The following PCDHGA8 variants were observed in gnomAD, a reference collection of about 807,000 sequenced individuals.
PCDHGA8 encodes protocadherin gamma subfamily A, 8.
Under a neutral mutation model 59.2 loss-of-function variants are expected in PCDHGA8, and 45 were observed. The observed-to-expected ratio is 0.76, with a 90% CI of 0.60 to 0.98. PCDHGA8 has a LOEUF of 0.98. Among genes scored for constraint, PCDHGA8 ranks in the 50% least tolerant of loss-of-function variants. PCDHGA8 has a pLI of 0.00. For synonymous variants in PCDHGA8, 531 were observed against 519.0 expected (o/e 1.02, Z -0.32); for missense variants, 1,257 against 1,196.2 (o/e 1.05, Z -0.75).
intron 1 of PCDHGA8, among the ~76,000 whole-genome samples, chr5:141,448,837 C>CT (rs2098610093): frequency 6.6e-6 from 1 of 152,014 alleles, no homozygotes; most frequent in Non-Finnish European, 1.5e-5. Context: ...CCCAGCTACT[C>CT]TGGAGGCTGA....
At position 141,393,624 on chromosome 5, in the gene PCDHGA8, G is replaced by A. The variant is rs1190793808; in HGVS notation, c.811G>A (p.Glu271Lys). The change falls in exon 1 of 4, where the codon GAG (glutamate) becomes AAG (lysine). Residue 271 changes from glutamate (E) to lysine (K), a missense_variant. Transcript: ENST00000398604. ...LLTVTASDPDEGINGKVAYKF... is the reference protein window; with the variant it reads ...LLTVTASDPDKGINGKVAYKF... ...TACTGTAACAGCCAGCGACCCGGAT[G>A]AGGGAATCAACGGAAAAGTGGCATA... 1 of 1,613,972 alleles carries A rather than the reference G, an allele frequency of 6.2e-7. No homozygotes were observed. Among genetic ancestry groups the A allele is most frequent in the Non-Finnish European group, 8.5e-7 (1 of 1,179,914 alleles).
At chr5:141,503,005 G>A (rs915064303) in intron 2 of PCDHGA8, among the ~76,000 whole-genome samples, 16 of 145,340 alleles carry the variant, frequency 1.1e-4, no homozygotes, top group African/African-American at 2.3e-4. Flanking sequence ...CACCATGCCC[G>A]GTTAATTTTT....
At chr5:141,454,850 C>T (rs1208208678) in intron 1 of PCDHGA8, among the ~76,000 whole-genome samples, 3 of 132,848 alleles carry the variant, frequency 2.3e-5, no homozygotes, top group Non-Finnish European at 4.6e-5. Flanking sequence ...CTCTGTCACC[C>T]AGGCTGGAGT....
In PCDHGA8 at chr5:141,477,211, C is replaced by T. The variant is rs1282763530; in HGVS notation, c.2425-17596C>T. On this transcript the variant is annotated intron_variant, in intron 1 of 3. Coordinates refer to ENST00000398604, the MANE Select transcript of PCDHGA8 (RefSeq NM_032088.2). The surrounding 1 kb of genome is among the most constrained non-coding windows in gnomAD (Gnocchi z 4.9). ...TGTACAGCCCAGTACCCGAGGATGC[C>T]CCTCTGGGGACTGTCATCGCTTTGC... 2 of 1,614,154 alleles carry T rather than the reference C, an allele frequency of 1.2e-6. No individual in the cohort carries two copies. Among genetic ancestry groups the T allele is most frequent in the East Asian group, 4.5e-5 (2 of 44,870 alleles).
intron 1 of PCDHGA8, chr5:141,430,662 C>A: frequency 8.6e-7 from 1 of 1,169,068 alleles, no homozygotes; most frequent in Non-Finnish European, 1.2e-6. Context: ...AACGGAGGAG[C>A]TCTGACTTCC....
At chr5:141,450,147 C>T (rs1322871298) in intron 1 of PCDHGA8, among the ~76,000 whole-genome samples, 2 of 151,774 alleles carry the variant, frequency 1.3e-5, no homozygotes, top group African/African-American at 4.8e-5. Context: ...GCTGGGACTA[C>T]AGGCATGTGC....
At position 141,489,559 on chromosome 5, in the gene PCDHGA8, C is replaced by A; in HGVS notation, c.2425-5248C>A. ...CAGCACCAGCTGCCTGCTGCCAGTG[C>A]AGGTGGTGACTGAACACCCCCTGGA... On this transcript the variant is annotated intron_variant, in intron 1 of 3. Coordinates refer to ENST00000398604, the MANE Select transcript of PCDHGA8 (RefSeq NM_032088.2). This position sits in a 1 kb window ranked among gnomAD's most constrained non-coding sequence, Gnocchi z 4.5. The A allele has an allele frequency of 6.2e-7, 1 of 1,614,078 alleles. No homozygotes were observed. The highest frequency in any genetic ancestry group is 8.5e-7 in the Non-Finnish European group (1 of 1,180,014).
intron 1 of PCDHGA8, 136 bp downstream of exon 1, chr5:141,395,373 G>C: frequency 8.4e-7 from 1 of 1,189,414 alleles, no homozygotes; most frequent in Non-Finnish European, 1.1e-6. Context: ...TATTTTGGTG[G>C]TGTTACTATA....
intron 2 of PCDHGA8, among the ~76,000 whole-genome samples, chr5:141,502,238 T>A (rs2099813398): frequency 6.6e-6 from 1 of 152,204 alleles, no homozygotes; most frequent in Non-Finnish European, 1.5e-5. Flanking sequence ...TGTGTTCTTT[T>A]ATCCTTTTTT....
chr5:141,510,986 G>A lies in PCDHGA8; in HGVS notation c.2612G>A (p.Gly871Asp), dbSNP rs754203270. The A allele has an allele frequency of 6.2e-7, 1 of 1,614,166 alleles. No individual in the cohort carries two copies. The highest frequency in any genetic ancestry group is 8.5e-7 in the Non-Finnish European group (1 of 1,180,012). The change falls in exon 4 of 4, where the codon GGC becomes GAC. Residue 871 changes from glycine to aspartate, a missense_variant. Physicochemically the swap from Gly to Asp is moderately conservative, Grantham distance 94. Transcript: ENST00000398604. ...DGSSTLGGGA[G>D]TMGLSARYGP... ...AGCTCCACCCTGGGAGGGGGTGCCG[G>A]CACCATGGGATTGAGCGCCCGCTAC... is the stretch of plus-strand genomic sequence containing the variant.
intron 1 of PCDHGA8, among the ~76,000 whole-genome samples, chr5:141,481,426 A>G (rs1431602618): frequency 6.6e-6 from 1 of 152,238 alleles, no homozygotes; most frequent in Non-Finnish European, 1.5e-5. Flanking sequence ...TGTGATGATG[A>G]TTGTATCAGT....
At chr5:141,456,723 G>A (rs1005891499) in intron 1 of PCDHGA8, among the ~76,000 whole-genome samples, 3 of 152,196 alleles carry the variant, frequency 2.0e-5, no homozygotes, top group Admixed American at 6.5e-5. Flanking sequence ...CCAGCACTTT[G>A]GGAGGCTGAG....
intron 1 of PCDHGA8, chr5:141,404,534 T>A: frequency 6.2e-7 from 1 of 1,613,954 alleles, no homozygotes; most frequent in Non-Finnish European, 8.5e-7. Context: ...GTTTAGAGAT[T>A]TGCAAATGCA....
chr5:141,492,037 C>A (rs556842734), intron 1 of PCDHGA8: 94 of 538,798 alleles, frequency 1.7e-4, no homozygotes, highest in Non-Finnish European at 2.5e-4. Flanking sequence ...AGGAGGCAGT[C>A]ACAGATCCAC....
intron 1 of PCDHGA8, chr5:141,415,759 T>TTTG: frequency 3.7e-6 from 5 of 1,352,140 alleles, no homozygotes; most frequent in Non-Finnish European, 4.8e-6. Flanking sequence ...TTTTTTTTTT[T>TTTG]TTTTTTTTTT....
chr5:141,488,046 G>A (rs958459817), intron 1 of PCDHGA8, among the ~76,000 whole-genome samples: 1 of 152,182 alleles, frequency 6.6e-6, no homozygotes, highest in African/African-American at 2.4e-5. Flanking sequence ...CCAAGGGATT[G>A]AGGGGAAATA....
In PCDHGA8 at chr5:141,394,704, G is replaced by A. The variant is rs1357305999; in HGVS notation, c.1891G>A (p.Ala631Thr). The change falls in exon 1 of 4, where the codon GCC becomes ACC. Residue 631 changes from alanine to threonine, a missense_variant. Coordinates refer to ENST00000398604, the MANE Select transcript of PCDHGA8 (RefSeq NM_032088.2). ...CACGGGCGAGGTGCGCACGGCGCGA[G>A]CCCTGCTGGACAGAGATGCGCTCAA... is the stretch of plus-strand genomic sequence containing the variant. Reference protein sequence around the residue: ...LHTGEVRTARALLDRDALKQS... With the variant: ...LHTGEVRTARTLLDRDALKQS... 2 of 1,613,268 alleles carry A rather than the reference G, an allele frequency of 1.2e-6. No individual in the cohort carries two copies. Among genetic ancestry groups the A allele is most frequent in the East Asian group, 2.2e-5 (1 of 44,876 alleles).
chr5:141,408,958 T>A, intron 1 of PCDHGA8: 8 of 1,613,670 alleles, frequency 5.0e-6, no homozygotes, highest in Non-Finnish European at 6.8e-6. Flanking sequence ...TTAGTCTTAG[T>A]GAAAATCTGC....
At chr5:141,410,583 G>A (rs1257322419) in intron 1 of PCDHGA8, 1 of 1,610,052 alleles carries the variant, frequency 6.2e-7, no homozygotes, top group African/African-American at 1.3e-5. Context: ...CCTCATGGTG[G>A]GGAGGATTTG....
Sources: allele counts gnomAD v4.1 joint callset (sites outside exome capture counted in the v4.1 genomes callset), GRCh38; gene constraint gnomAD v4.1.1; non-coding constraint Gnocchi (gnomAD v3.1); transcripts MANE v1.5; gene names NCBI Gene and HGNC (gene_info 2026-07-23, HGNC 2026-07-21).